The following LRRTM3 variants were observed in gnomAD, a reference collection of about 807,000 sequenced individuals.
LRRTM3 encodes leucine-rich repeat transmembrane neuronal protein 3.
Under a neutral mutation model 44.7 loss-of-function variants are expected in LRRTM3, and 24 were observed. The observed-to-expected ratio is 0.54, with a 90% CI of 0.39 to 0.76. The LOEUF (loss-of-function observed/expected upper bound fraction) is 0.76, where lower values mean the gene tolerates loss of function less well. LRRTM3 is among the 30% of genes least tolerant of loss of function. The pLI is 0.00. For synonymous variants in LRRTM3, 277 were observed against 278.7 expected, an observed-to-expected ratio of 0.99 and a Z score of 0.06; for missense variants, 587 against 702.2, an observed-to-expected ratio of 0.84 and a Z score of 1.85.
chr10:67,046,901 C>T (rs939245327), intron 2 of LRRTM3, among the ~76,000 whole-genome samples: 2 of 152,070 alleles, frequency 1.3e-5, no homozygotes, highest in Non-Finnish European at 2.9e-5. Flanking sequence ...CTTCCTTTTA[C>T]ATTGATGACT....
chr10:67,023,191 G>A (rs369440703), intron 2 of LRRTM3, among the ~76,000 whole-genome samples: 20 of 152,134 alleles, frequency 1.3e-4, no homozygotes, highest in South Asian at 1.0e-3. Flanking sequence ...TCAAATAAAG[G>A]AAAAGATGGT....
chr10:67,080,255 T>C (rs556808634), intron 2 of LRRTM3, among the ~76,000 whole-genome samples: 1 of 152,334 alleles, frequency 6.6e-6, no homozygotes, highest in South Asian at 2.1e-4. Context: ...ATGGTATTTT[T>C]CCATTTATTT....
At chr10:67,085,155 C>T in intron 2 of LRRTM3, among the ~76,000 whole-genome samples, 1 of 151,848 alleles carries the variant, frequency 6.6e-6, no homozygotes, top group East Asian at 1.9e-4. Flanking sequence ...AGACAAGATA[C>T]ACTATCAAGA....
At chr10:66,938,377 AAG>A (rs1315923237) in intron 2 of LRRTM3, among the ~76,000 whole-genome samples, 2 of 152,162 alleles carry the variant, frequency 1.3e-5, no homozygotes, top group African/African-American at 2.4e-5. Context: ...TGATAATATA[AAG>A]AGTCAACCCA....
chr10:66,928,504 GC>G, intron 2 of LRRTM3, 52 bp downstream of exon 2: 1 of 1,502,778 alleles, frequency 6.7e-7, no homozygotes, highest in Non-Finnish European at 8.9e-7. Flanking sequence ...AATAAGTGGT[GC>G]TTTATTGAAC....
At chr10:66,941,328 T>C (rs1263566910) in intron 2 of LRRTM3, among the ~76,000 whole-genome samples, 1 of 152,172 alleles carries the variant, frequency 6.6e-6, no homozygotes, top group East Asian at 1.9e-4. Context: ...CAAAATACAT[T>C]TCTCGAGTGC....
At position 66,926,261 on chromosome 10, in the gene LRRTM3, GTT is replaced by G. The variant is rs754590989; in HGVS notation, c.-314_-313del. On this transcript the variant is annotated 5_prime_UTR_variant, in exon 1 of 3. Transcript: ENST00000361320. Reference sequence around the variant, plus strand: ...CGATAAGAAGAAATTGTAGGATCCAGTTTTTTTTTTAACCGCCCCCTCCCCAC... The same window carrying G: ...CGATAAGAAGAAATTGTAGGATCCAGTTTTTTTTAACCGCCCCCTCCCCAC... 1.7e-5 allele frequency: 7 copies of G among 413,520 alleles called. No individual in the cohort carries two copies. Among genetic ancestry groups the G allele is most frequent in the Non-Finnish European group, 2.7e-5 (6 of 223,374 alleles). 25.6% of individuals were successfully genotyped at this position (413,520 alleles called of 1,614,324 possible). A position where few individuals can be genotyped will look rare whatever the true frequency, so the allele number is the denominator to read the frequency against.
At chr10:66,995,680 ACT>A (rs1375599875) in intron 2 of LRRTM3, among the ~76,000 whole-genome samples, 1 of 152,058 alleles carries the variant, frequency 6.6e-6, no homozygotes, top group Non-Finnish European at 1.5e-5. Flanking sequence ...GACAACTAAG[ACT>A]CAGACTCAGT....
intron 2 of LRRTM3, among the ~76,000 whole-genome samples, chr10:66,930,739 C>G (rs930210807): frequency 6.6e-6 from 1 of 152,084 alleles, no homozygotes; most frequent in Non-Finnish European, 1.5e-5. Context: ...TGATATAACA[C>G]TAAATGAATC....
At chr10:67,031,387 T>A (rs1281615954) in intron 2 of LRRTM3, among the ~76,000 whole-genome samples, 1 of 152,202 alleles carries the variant, frequency 6.6e-6, no homozygotes. Context: ...ATATCATTCT[T>A]CGTCTTCACT....
intron 2 of LRRTM3, among the ~76,000 whole-genome samples, chr10:66,969,116 T>A (rs1029036434): frequency 2.0e-5 from 3 of 152,026 alleles, no homozygotes; most frequent in Admixed American, 6.5e-5. Flanking sequence ...ATTTTCTGAC[T>A]GCAAAAGCAA....
intron 2 of LRRTM3, among the ~76,000 whole-genome samples, chr10:67,070,986 G>T (rs1856418314): frequency 6.6e-6 from 1 of 152,086 alleles, no homozygotes; most frequent in Non-Finnish European, 1.5e-5. Context: ...ATGCATTCTT[G>T]AGTTGGTTCT....
chr10:66,954,396 A>G (rs538171601), intron 2 of LRRTM3, among the ~76,000 whole-genome samples: 2 of 152,244 alleles, frequency 1.3e-5, no homozygotes, highest in African/African-American at 4.8e-5. Flanking sequence ...GCAGAGGAGA[A>G]ATAAAAACGC....
At position 66,926,158 on chromosome 10, in the gene LRRTM3, G is replaced by A. The variant is rs1175869899; in HGVS notation, c.-426G>A. ...TGTGGCTGAACTGGGTGCTCATCAC[G>A]GGAACTGCTGGGGTATGGAATACAG... is the stretch of plus-strand genomic sequence containing the variant. On this transcript the variant is annotated 5_prime_UTR_variant, in exon 1 of 3. Transcript: ENST00000361320. 4.3e-6 allele frequency: 2 copies of A among 461,796 alleles called. No individual in the cohort carries two copies. Among genetic ancestry groups the A allele is most frequent in the Non-Finnish European group, 8.7e-6 (2 of 230,686 alleles). 28.6% of individuals were successfully genotyped at this position (461,796 alleles called of 1,614,324 possible).
At chr10:67,022,340 T>C (rs1016077902) in intron 2 of LRRTM3, among the ~76,000 whole-genome samples, 1 of 152,104 alleles carries the variant, frequency 6.6e-6, no homozygotes, top group African/African-American at 2.4e-5. Context: ...CCTCTGTGTG[T>C]GTGTGTGTCT....
chr10:67,090,236 A>G (rs951875823), intron 2 of LRRTM3, among the ~76,000 whole-genome samples: 5 of 152,024 alleles, frequency 3.3e-5, no homozygotes, highest in African/African-American at 9.7e-5. Context: ...ATTGGTCAAT[A>G]TGTGTGTAGT....
chr10:66,996,667 A>AAAAAAAAAAAAAC, intron 2 of LRRTM3, among the ~76,000 whole-genome samples: 1 of 150,920 alleles, frequency 6.6e-6, no homozygotes, highest in Non-Finnish European at 1.5e-5. Context: ...AAAAAAAAAA[A>AAAAAAAAAAAAAC]AAAAGCATGT....
intron 2 of LRRTM3, among the ~76,000 whole-genome samples, chr10:67,069,310 C>A (rs1031453285): frequency 6.6e-6 from 1 of 151,950 alleles, no homozygotes; most frequent in Non-Finnish European, 1.5e-5. Context: ...TCTTTTACCC[C>A]AATGCAGAAA....
chr10:66,928,466 T>G lies in LRRTM3; in HGVS notation c.1536+14T>G, dbSNP rs1034508790. On this transcript the variant is annotated intron_variant, in intron 2 of 2. Transcript: ENST00000361320. ...AGGGAGTGTGAGGTATGAACCATTG[T>G]GATAAAAAGAGCTCTTAAAAGCTGG... The G allele has an allele frequency of 6.4e-7, 1 of 1,569,384 alleles. No homozygotes were observed. Among genetic ancestry groups the G allele is most frequent in the Admixed American group, 2.0e-5 (1 of 50,750 alleles).
Sources: allele counts gnomAD v4.1 joint callset (sites outside exome capture counted in the v4.1 genomes callset), GRCh38; gene constraint gnomAD v4.1.1; transcripts MANE v1.5; gene names NCBI Gene and HGNC (gene_info 2026-07-23, HGNC 2026-07-21).